SLC8A1: variants seen among roughly 807,000 people sequenced by gnomAD.
The protein encoded by SLC8A1 is solute carrier family 8 member A1.
Under a neutral mutation model 68.3 loss-of-function variants are expected in SLC8A1, and 18 were observed. The observed-to-expected ratio is 0.26, with a 90% CI of 0.18 to 0.39. SLC8A1 has a LOEUF of 0.39. Among genes scored for constraint, SLC8A1 ranks in the 10% least tolerant of loss-of-function variants. The pLI, the probability that SLC8A1 is intolerant of heterozygous loss-of-function variation, is 1.00. For synonymous variants in SLC8A1, 475 were observed against 415.5 expected (o/e 1.14, Z -1.74); for missense variants, 985 against 1,156.7 (o/e 0.85, Z 2.15).
At position 40,340,264 on chromosome 2, in the gene SLC8A1, CAAG is replaced by C. The variant is rs562372822; in HGVS notation, c.1808+88206_1808+88208del. 3.6e-3 allele frequency among the ~76,000 whole-genome samples: 553 copies of C among 152,156 alleles called. 3 individuals are homozygous for C. Among genetic ancestry groups the C allele is most frequent in the African/African-American group, 0.013 (520 of 41,536 alleles). On this transcript the variant is annotated intron_variant, in intron 2 of 7. Transcript: ENST00000406785. ...CTGTGAGTTGATTTGGTAAGCTCGT[CAAG>C]AAGGGAGTCAAGGCCAGGTGCGGTG...
intron 2 of SLC8A1, among the ~76,000 whole-genome samples, chr2:40,180,540 G>A (rs146394032): frequency 7.8e-4 from 119 of 152,274 alleles, no homozygotes; most frequent in African/African-American, 2.7e-3. Context: ...TGAGACCAAG[G>A]GTAGGAAAGT....
Position 40,262,415 on chromosome 2 carries a change from C to T in SLC8A1, c.1809-84560G>A, listed in dbSNP as rs62150783. Among the ~76,000 whole-genome samples the T allele has an allele frequency of 4.8e-3, 734 of 152,272 alleles. 2 individuals are homozygous for T. Among genetic ancestry groups the T allele is most frequent in the Non-Finnish European group, 8.4e-3 (574 of 68,016 alleles). On this transcript the variant is annotated intron_variant, in intron 2 of 7. Coordinates refer to ENST00000406785, the Ensembl canonical transcript of SLC8A1. Reference sequence around the variant, plus strand: ...TTTATGAGGCTTTATCATAACTAAACCCAGTGGTGGACTGAATAAGATCAG... The same window carrying T: ...TTTATGAGGCTTTATCATAACTAAATCCAGTGGTGGACTGAATAAGATCAG...
chr2:40,480,591 T>C (rs187063710), intron 1 of SLC8A1, among the ~76,000 whole-genome samples: 44 of 152,320 alleles, frequency 2.9e-4, no homozygotes, highest in African/African-American at 1.0e-3. Context: ...ACATCTTAAA[T>C]GGACTAAGAC....
intron 2 of SLC8A1, among the ~76,000 whole-genome samples, chr2:40,365,652 C>T (rs555099367): frequency 1.3e-5 from 2 of 151,954 alleles, no homozygotes; most frequent in African/African-American, 2.4e-5. Flanking sequence ...CTGTCTATAC[C>T]TACATTTACA....
intron 1 of SLC8A1, among the ~76,000 whole-genome samples, chr2:40,479,457 T>C (rs1411728373): frequency 3.3e-5 from 5 of 152,226 alleles, no homozygotes; most frequent in Non-Finnish European, 5.9e-5. Flanking sequence ...AATAAACATT[T>C]TTTTAAGCTC....
chr2:40,417,461 T>G (rs1166890871), intron 2 of SLC8A1, among the ~76,000 whole-genome samples: 1 of 152,126 alleles, frequency 6.6e-6, no homozygotes, highest in East Asian at 1.9e-4. Context: ...AAGCAAGTGT[T>G]AGGATTAGTT....
At chr2:40,361,464 CTTTT>C (rs60746878) in intron 2 of SLC8A1, among the ~76,000 whole-genome samples, 6 of 146,954 alleles carry the variant, frequency 4.1e-5, no homozygotes, top group Non-Finnish European at 7.6e-5. Flanking sequence ...CTGAAGGAGC[CTTTT>C]TTTTTTTTTG....
intron 2 of SLC8A1, among the ~76,000 whole-genome samples, chr2:40,286,886 T>G (rs1384516202): frequency 6.6e-6 from 1 of 152,210 alleles, no homozygotes; most frequent in African/African-American, 2.4e-5. Flanking sequence ...GCACCTGTAT[T>G]CGTCCTTGCA....
At chr2:40,236,883 A>G (rs1267831204) in intron 2 of SLC8A1, among the ~76,000 whole-genome samples, 1 of 151,632 alleles carries the variant, frequency 6.6e-6, no homozygotes, top group Non-Finnish European at 1.5e-5. Flanking sequence ...TGGATATGAA[A>G]TTCTGGGTTG....
chr2:40,216,192 C>T (rs1052973185), intron 2 of SLC8A1, among the ~76,000 whole-genome samples: 4 of 151,948 alleles, frequency 2.6e-5, no homozygotes, highest in Non-Finnish European at 5.9e-5. Context: ...GTGTGGTGTT[C>T]CCCCTCCCTG....
chr2:40,506,167 T>C (rs1234244050), intron 1 of SLC8A1, among the ~76,000 whole-genome samples: 1 of 151,702 alleles, frequency 6.6e-6, no homozygotes, highest in Non-Finnish European at 1.5e-5. Context: ...AAGACAATTC[T>C]TTTCCAACCA....
chr2:40,139,353 A>C (rs2041131908), intron 7 of SLC8A1, 48 bp downstream of exon 10: 2 of 1,600,560 alleles, frequency 1.2e-6, no homozygotes, highest in Non-Finnish European at 1.7e-6. Context: ...TCAAGAAGGC[A>C]AATGAACTTC....
intron 1 of SLC8A1, among the ~76,000 whole-genome samples, chr2:40,492,079 C>T (rs1377019015): frequency 2.0e-5 from 3 of 152,110 alleles, no homozygotes; most frequent in Non-Finnish European, 2.9e-5. Flanking sequence ...CATCACACTA[C>T]CTGACTTCAA....
At chr2:40,347,447 G>C (rs367965860) in intron 2 of SLC8A1, among the ~76,000 whole-genome samples, 1 of 152,348 alleles carries the variant, frequency 6.6e-6, no homozygotes, top group East Asian at 1.9e-4. Flanking sequence ...AGGCTTCAGA[G>C]CCAGACAGCT....
intron 2 of SLC8A1, among the ~76,000 whole-genome samples, chr2:40,297,617 T>A (rs922343186): frequency 6.6e-6 from 1 of 152,156 alleles, no homozygotes; most frequent in African/African-American, 2.4e-5. Flanking sequence ...TCTAAAGACT[T>A]AACCTTCTTT....
At chr2:40,506,104 CTTTT>C (rs34231209) in intron 1 of SLC8A1, among the ~76,000 whole-genome samples, 22 of 132,156 alleles carry the variant, frequency 1.7e-4, no homozygotes, top group Non-Finnish European at 2.5e-4. Flanking sequence ...TTCATAGATC[CTTTT>C]TTTTTTTTTT....
intron 1 of SLC8A1, among the ~76,000 whole-genome samples, chr2:40,433,536 G>A (rs143760023): frequency 6.6e-6 from 1 of 152,014 alleles, no homozygotes; most frequent in African/African-American, 2.4e-5. Flanking sequence ...AAAATGCCTA[G>A]TGTTGCTATT....
intron 2 of SLC8A1, among the ~76,000 whole-genome samples, chr2:40,224,227 T>C (rs1362583950): frequency 6.6e-6 from 1 of 152,092 alleles, no homozygotes; most frequent in African/African-American, 2.4e-5. Context: ...GAGATGAGGC[T>C]GTCTAGTATG....
chr2:40,248,965 G>C (rs1296262889), intron 2 of SLC8A1, among the ~76,000 whole-genome samples: 2 of 152,118 alleles, frequency 1.3e-5, no homozygotes, highest in Non-Finnish European at 2.9e-5. Flanking sequence ...CACATCACCA[G>C]GGGCAGAATA....
Sources: allele counts gnomAD v4.1 joint callset (sites outside exome capture counted in the v4.1 genomes callset), GRCh38; gene constraint gnomAD v4.1.1; transcripts MANE v1.5; gene names NCBI Gene and HGNC (gene_info 2026-07-23, HGNC 2026-07-21).